The following SMC6 variants were observed in gnomAD, a reference collection of about 807,000 sequenced individuals.
SMC6 encodes structural maintenance of chromosomes 6.
Under a neutral mutation model 142.2 loss-of-function variants are expected in SMC6, and 79 were observed. The ratio of observed to expected loss-of-function variants is 0.56; its 90% CI spans 0.46 to 0.67. SMC6 has a LOEUF of 0.67. SMC6 is among the 30% of genes least tolerant of loss of function. The pLI, the probability that SMC6 is intolerant of heterozygous loss-of-function variation, is 0.00. For missense variants in SMC6, 1,072 were observed against 1,284.0 expected (o/e 0.83, Z 2.52); for synonymous variants, 411 against 412.4 (o/e 1.00, Z 0.04).
chr2:17,695,303 A>C lies in SMC6; in HGVS notation c.2533-6T>G, dbSNP rs759454569. 1 of 1,610,810 alleles carries C rather than the reference A, an allele frequency of 6.2e-7. No homozygotes were observed. Among genetic ancestry groups the C allele is most frequent in the Non-Finnish European group, 8.5e-7 (1 of 1,179,350 alleles). Reference sequence around the variant, plus strand: ...CTTGCTTGTGACATTTTCTCCTAAGAAAGTAGATGTTTATATCTTTAAAAC... The same window carrying C: ...CTTGCTTGTGACATTTTCTCCTAAGCAAGTAGATGTTTATATCTTTAAAAC... On this transcript the variant is annotated splice_region_variant and splice_polypyrimidine_tract_variant and intron_variant, in intron 22 of 27. Coordinates refer to ENST00000448223, the MANE Select transcript of SMC6 (RefSeq NM_001142286.2).
chr2:17,750,231 A>G (rs1006485249), intron 2 of SMC6, among the ~76,000 whole-genome samples: 3 of 152,224 alleles, frequency 2.0e-5, no homozygotes, highest in African/African-American at 7.2e-5. Flanking sequence ...GTAGCAGAAG[A>G]GATGAGTTGC....
chr2:17,729,123 T>G (rs1669781464), intron 7 of SMC6, among the ~76,000 whole-genome samples: 1 of 152,184 alleles, frequency 6.6e-6, no homozygotes, highest in African/African-American at 2.4e-5. Flanking sequence ...AATAACATAT[T>G]TTTAATCAAA....
At chr2:17,683,830 A>T in intron 23 of SMC6, 67 bp from the exon 24 acceptor site, 1 of 1,412,278 alleles carries the variant, frequency 7.1e-7, no homozygotes, top group Non-Finnish European at 9.9e-7. Context: ...GTAGAATCTC[A>T]AACAGATTTA....
intron 21 of SMC6, among the ~76,000 whole-genome samples, chr2:17,696,780 G>A (rs80237276): frequency 3.9e-5 from 6 of 151,912 alleles, no homozygotes; most frequent in East Asian, 1.9e-4. Flanking sequence ...GGGTGGGTTC[G>A]GGAAAAAGCA....
At chr2:17,745,151 T>C (rs1421022217) in intron 3 of SMC6, among the ~76,000 whole-genome samples, 3 of 152,188 alleles carry the variant, frequency 2.0e-5, no homozygotes, top group African/African-American at 4.8e-5. Context: ...CCATATCTAT[T>C]AGGTATACTG....
intron 5 of SMC6, among the ~76,000 whole-genome samples, chr2:17,732,919 A>G (rs1231591059): frequency 6.6e-6 from 1 of 152,194 alleles, no homozygotes; most frequent in Non-Finnish European, 1.5e-5. Context: ...GAGTAAAAAA[A>G]AAAATCTTTA....
At chr2:17,700,456 TGA>T (rs1258713022) in intron 20 of SMC6, 78 bp from the exon 21 acceptor site, 7 of 1,192,716 alleles carry the variant, frequency 5.9e-6, no homozygotes, top group South Asian at 1.7e-5. Flanking sequence ...AAAATAATTC[TGA>T]GAGAGGAGAA....
intron 19 of SMC6, among the ~76,000 whole-genome samples, chr2:17,702,480 AT>A: frequency 6.6e-6 from 1 of 152,340 alleles, no homozygotes; most frequent in African/African-American, 2.4e-5. Context: ...TACTTAAAAA[AT>A]ATTCCAATCT....
intron 25 of SMC6, among the ~76,000 whole-genome samples, chr2:17,674,808 A>C (rs1419415854): frequency 6.6e-6 from 1 of 152,040 alleles, no homozygotes; most frequent in East Asian, 1.9e-4. Context: ...CATAAAGTCT[A>C]TTTTGTTATT....
In SMC6 at chr2:17,708,524, T is replaced by C. The variant is rs143197014; in HGVS notation, c.1845+115A>G. ...ATTTTCCTATCAGGTAAAAGTACAA[T>C]AGTGAAACACATCAGCAACTCTATG... On this transcript the variant is annotated intron_variant, in intron 17 of 27. Transcript: ENST00000448223. The C allele has an allele frequency of 2.0e-3, 865 of 435,500 alleles. 9 individuals are homozygous for C. The highest frequency in any genetic ancestry group is 0.016 in the African/African-American group (783 of 48,672). The allele number at this position is 435,500 out of a possible 1,614,324, so 27.0% of individuals were successfully genotyped here.
chr2:17,714,419 A>G (rs1241124550), intron 16 of SMC6, among the ~76,000 whole-genome samples: 1 of 152,142 alleles, frequency 6.6e-6, no homozygotes. Flanking sequence ...AGTATTAGCC[A>G]GTAGTTAGCA....
chr2:17,725,144 A>C, intron 9 of SMC6, 113 bp downstream of exon 9: 2 of 694,856 alleles, frequency 2.9e-6, no homozygotes, highest in Non-Finnish European at 4.7e-6. Context: ...TGCTATAAAA[A>C]TATTACTAGT....
chr2:17,702,101 C>A (rs1476345839), intron 19 of SMC6, among the ~76,000 whole-genome samples, 192 bp from the exon 20 acceptor site: 1 of 152,158 alleles, frequency 6.6e-6, no homozygotes, highest in Non-Finnish European at 1.5e-5. Flanking sequence ...TTCTTATATA[C>A]TAATCCATTC....
intron 23 of SMC6, among the ~76,000 whole-genome samples, chr2:17,686,789 C>T (rs1667475910): frequency 6.6e-6 from 1 of 152,142 alleles, no homozygotes. Context: ...TATATAAATT[C>T]AGAATCAGGA....
At chr2:17,730,784 TTG>T (rs2125044287) in intron 7 of SMC6, among the ~76,000 whole-genome samples, 1 of 151,544 alleles carries the variant, frequency 6.6e-6, no homozygotes, top group Non-Finnish European at 1.5e-5. Context: ...TTTTTTTTTT[TTG>T]TATTTTTAGT....
At chr2:17,693,187 C>T (rs1667813058) in intron 23 of SMC6, among the ~76,000 whole-genome samples, 1 of 152,170 alleles carries the variant, frequency 6.6e-6, no homozygotes, top group African/African-American at 2.4e-5. Flanking sequence ...TTGACCCAGC[C>T]ATCCCATTAC....
intron 16 of SMC6, among the ~76,000 whole-genome samples, chr2:17,710,578 A>G (rs1263291684): frequency 1.3e-5 from 2 of 152,160 alleles, no homozygotes; most frequent in Non-Finnish European, 2.9e-5. Context: ...GAAGCAAAAG[A>G]TACCAAAAAC....
At chr2:17,679,610 G>A (rs893477682) in intron 24 of SMC6, 1 of 151,824 alleles carries the variant, frequency 6.6e-6, no homozygotes, top group Non-Finnish European at 1.5e-5. Flanking sequence ...ATATTCATTG[G>A]CTTTATTTTT....
chr2:17,736,749 G>A (rs546805614), intron 5 of SMC6, among the ~76,000 whole-genome samples: 2 of 151,754 alleles, frequency 1.3e-5, no homozygotes, highest in South Asian at 2.1e-4. Flanking sequence ...TGGCATGGCT[G>A]TAGTCCCAGC....
Sources: gnomAD v4.1 joint callset for allele counts (sites outside exome capture counted in the v4.1 genomes callset) on GRCh38, gnomAD v4.1.1 for gene constraint, MANE v1.5 for transcripts, NCBI Gene and HGNC (gene_info 2026-07-23, HGNC 2026-07-21) for gene names.